MCM9: variants seen among roughly 807,000 people sequenced by gnomAD.
MCM9 encodes DNA helicase MCM9.
A neutral mutation model predicts 72.8 loss-of-function variants in MCM9; 55 were observed. The observed-to-expected ratio is 0.76, with a 90% CI of 0.61 to 0.95. MCM9 has a LOEUF of 0.95. MCM9 is among the 40% of genes least tolerant of loss of function. The pLI is 0.00. For missense variants in MCM9, 1,279 were observed against 1,377.0 expected (o/e 0.93, Z 1.13); for synonymous variants, 480 against 503.4 (o/e 0.95, Z 0.62).
chr6:118,844,238 C>A, intron 9 of MCM9, among the ~76,000 whole-genome samples: 1 of 151,738 alleles, frequency 6.6e-6, no homozygotes, highest in East Asian at 1.9e-4. Context: ...GATTAACTGG[C>A]CTCTAATTAG....
At chr6:118,910,962 G>A in intron 8 of MCM9, 1 of 985,248 alleles carries the variant, frequency 1.0e-6, no homozygotes, top group East Asian at 1.1e-4. Flanking sequence ...TTTAAAATGT[G>A]TGAAGCCAAG....
chr6:118,859,647 AC>A (rs985294148), intron 8 of MCM9, among the ~76,000 whole-genome samples: 29 of 152,138 alleles, frequency 1.9e-4, no homozygotes, highest in African/African-American at 7.0e-4. Flanking sequence ...TCATAGGGAA[AC>A]CCCTAGATTT....
At chr6:118,916,367 CAAAAAAA>C (rs879940959) in intron 6 of MCM9, among the ~76,000 whole-genome samples, 1 of 131,460 alleles carries the variant, frequency 7.6e-6, no homozygotes, top group African/African-American at 2.8e-5. Context: ...CACACACACA[CAAAAAAA>C]AAAGAAAAAA....
chr6:118,817,668 T>G (rs567551218), intron 13 of MCM9, among the ~76,000 whole-genome samples: 1 of 152,240 alleles, frequency 6.6e-6, no homozygotes. Context: ...ATGGGATTGC[T>G]GGTTCAAATG....
At chr6:118,925,319 G>T (rs1238060946) in intron 3 of MCM9, among the ~76,000 whole-genome samples, 1 of 152,088 alleles carries the variant, frequency 6.6e-6, no homozygotes, top group Non-Finnish European at 1.5e-5. Flanking sequence ...CCTACTGAAG[G>T]CCCATCCATC....
chr6:118,821,135 T>A (rs1420381107), intron 13 of MCM9, among the ~76,000 whole-genome samples: 1 of 152,226 alleles, frequency 6.6e-6, no homozygotes, highest in East Asian at 1.9e-4. Context: ...TTAAGGTTAA[T>A]ATTGTTATGT....
intron 6 of MCM9, among the ~76,000 whole-genome samples, chr6:118,916,432 CATTATT>C (rs60745084): frequency 0.019 from 2,697 of 142,344 alleles, 42 homozygotes; most frequent in Middle Eastern, 0.055. Context: ...GAAATGGAAG[CATTATT>C]ATTATTATTA....
intron 8 of MCM9, among the ~76,000 whole-genome samples, chr6:118,857,684 G>A (rs1428625081): frequency 1.5e-5 from 2 of 134,298 alleles, no homozygotes; most frequent in African/African-American, 5.6e-5. Flanking sequence ...AGGAATGAAA[G>A]AGGGGGCATA....
intron 9 of MCM9, among the ~76,000 whole-genome samples, chr6:118,855,373 T>C (rs1327126131): frequency 2.0e-5 from 3 of 152,228 alleles, no homozygotes; most frequent in Non-Finnish European, 4.4e-5. Context: ...CAATGTTCTA[T>C]TCATCTTTGT....
At position 118,828,144 on chromosome 6, in the gene MCM9, G is replaced by A. The variant is rs1443996071; in HGVS notation, c.1529-14C>T. 1.5e-5 allele frequency: 23 copies of A among 1,543,782 alleles called. 1 individual carries two copies. The South Asian group carries it at 2.5e-4, about 17-fold the overall frequency. Reference sequence around the variant, plus strand: ...TGCTTGGGTAACCTGTATGTATCAGGTGTTGGGTCAGTAAGTTCTTAGGAC... The same window carrying A: ...TGCTTGGGTAACCTGTATGTATCAGATGTTGGGTCAGTAAGTTCTTAGGAC... On this transcript the variant is annotated splice_polypyrimidine_tract_variant and intron_variant, in intron 10 of 13. Coordinates refer to ENST00000619706, the MANE Select transcript of MCM9 (RefSeq NM_017696.3).
chr6:118,838,492 A>AT (rs1160247969), intron 9 of MCM9, among the ~76,000 whole-genome samples: 1 of 149,208 alleles, frequency 6.7e-6, no homozygotes, highest in African/African-American at 2.5e-5. Flanking sequence ...GGGTTTCACC[A>AT]TGTTAGCTAG....
intron 9 of MCM9, among the ~76,000 whole-genome samples, chr6:118,845,237 T>G (rs1356668707): frequency 6.6e-6 from 1 of 151,762 alleles, no homozygotes; most frequent in Non-Finnish European, 1.5e-5. Context: ...ACGAAGAGAA[T>G]AGGTTTGAAG....
intron 13 of MCM9, among the ~76,000 whole-genome samples, chr6:118,824,796 T>C (rs1001729867): frequency 2.0e-5 from 3 of 152,214 alleles, no homozygotes; most frequent in Non-Finnish European, 4.4e-5. Flanking sequence ...TTGATAAGAT[T>C]AGCATTAGAT....
At position 118,845,986 on chromosome 6, in the gene MCM9, ATAATTG is replaced by A. The variant is rs553610290; in HGVS notation, c.1325+10379_1325+10384del. Among the ~76,000 whole-genome samples, 70 of 152,018 alleles carry A rather than the reference ATAATTG, an allele frequency of 4.6e-4. 1 individual carries two copies. Among genetic ancestry groups the A allele is most frequent in the African/African-American group, 1.6e-3 (68 of 41,262 alleles). ...CATTTCTATATTTGAGCTCTTCAAAATAATTGTAGACAACCACTTCTCCAATTACTT... is the reference window on the plus strand; with the variant it reads ...CATTTCTATATTTGAGCTCTTCAAAATAGACAACCACTTCTCCAATTACTT... On this transcript the variant is annotated intron_variant, in intron 9 of 13. Coordinates refer to ENST00000619706, the MANE Select transcript of MCM9 (RefSeq NM_017696.3).
intron 9 of MCM9, among the ~76,000 whole-genome samples, chr6:118,840,874 A>G (rs935482140): frequency 1.3e-5 from 2 of 151,678 alleles, no homozygotes; most frequent in African/African-American, 4.8e-5. Flanking sequence ...TGTAGCTGAG[A>G]CTACAGGCAT....
intron 8 of MCM9, among the ~76,000 whole-genome samples, chr6:118,886,818 G>A (rs1159210182): frequency 6.6e-6 from 1 of 152,026 alleles, no homozygotes; most frequent in African/African-American, 2.4e-5. Flanking sequence ...TTAGCCGGAT[G>A]TGGTGGCACA....
intron 8 of MCM9, among the ~76,000 whole-genome samples, chr6:118,868,098 A>G (rs533217294): frequency 5.3e-5 from 8 of 151,962 alleles, no homozygotes; most frequent in Non-Finnish European, 8.8e-5. Context: ...GCTCGTCTTG[A>G]ACTCCTGACC....
intron 13 of MCM9, among the ~76,000 whole-genome samples, chr6:118,818,139 C>G (rs1377783764): frequency 2.6e-5 from 4 of 152,136 alleles, no homozygotes; most frequent in African/African-American, 7.2e-5. Flanking sequence ...TTGATTAGAT[C>G]CCATTTGTCA....
intron 8 of MCM9, among the ~76,000 whole-genome samples, chr6:118,879,764 C>T (rs137938644): frequency 0.021 from 3,253 of 151,410 alleles, 124 homozygotes; most frequent in African/African-American, 0.075. Context: ...AAAGACTAGG[C>T]GGGGTGCAGT....
Sources: gnomAD v4.1 joint callset for allele counts (sites outside exome capture counted in the v4.1 genomes callset) on GRCh38, gnomAD v4.1.1 for gene constraint, MANE v1.5 for transcripts, NCBI Gene and HGNC (gene_info 2026-07-23, HGNC 2026-07-21) for gene names.